TLCD3B: variants seen among roughly 807,000 people sequenced by gnomAD.
TLCD3B encodes the protein TLC domain containing 3B, also known as ceramide synthase.
In TLCD3B, 9 loss-of-function variants were observed where a neutral mutation model predicts 23.0. The observed-to-expected ratio is 0.39, with a 90% CI of 0.24 to 0.68. The LOEUF (loss-of-function observed/expected upper bound fraction) is 0.68. Among genes scored for constraint, TLCD3B ranks in the 30% least tolerant of loss-of-function variants. TLCD3B has a pLI of 0.44. For missense variants in TLCD3B, 307 were observed against 371.8 expected, an observed-to-expected ratio of 0.83 and a Z score of 1.43; for synonymous variants, 161 against 161.0, an observed-to-expected ratio of 1.00 and a Z score of 0.00.
At chr16:30,037,391 A>T (rs2071494209) in intron 3 of TLCD3B, among the ~76,000 whole-genome samples, 1 of 151,310 alleles carries the variant, frequency 6.6e-6, no homozygotes. Flanking sequence ...AAATACAAAA[A>T]ATTTAGCCAG....
chr16:30,041,187 G>T (rs1008891163), intron 2 of TLCD3B: 11 of 152,152 alleles, frequency 7.2e-5, no homozygotes, highest in African/African-American at 2.7e-4. Context: ...GGAGAAAATT[G>T]TGGTTTTGAG....
upstream of TLCD3B, chr16:30,035,269 A>G (rs1180432985): frequency 7.9e-7 from 1 of 1,262,146 alleles, no homozygotes; most frequent in African/African-American, 1.5e-5. Flanking sequence ...TTCTGCTTTC[A>G]CCACAAACTC....
At chr16:30,042,464 TC>T (rs1188117293) in intron 2 of TLCD3B, among the ~76,000 whole-genome samples, 4 of 152,074 alleles carry the variant, frequency 2.6e-5, no homozygotes, top group Non-Finnish European at 2.9e-5. Context: ...CCTCAAGTGA[TC>T]CACCCGCTTT....
At chr16:30,050,532 A>G (rs1256307819) in intron 1 of TLCD3B, among the ~76,000 whole-genome samples, 1 of 152,074 alleles carries the variant, frequency 6.6e-6, no homozygotes, top group Non-Finnish European at 1.5e-5. Context: ...ACCGAGTGAG[A>G]CTCTGTCTCA....
At chr16:30,033,529 T>C (rs1008912869), upstream of TLCD3B, 3 of 152,192 alleles carry the variant, frequency 2.0e-5, no homozygotes, top group Admixed American at 1.3e-4. Context: ...TGCACTTTTA[T>C]GGTAAGCTTT....
upstream of TLCD3B, among the ~76,000 whole-genome samples, chr16:30,031,795 C>T (rs113843072): frequency 1.1e-4 from 17 of 152,330 alleles, no homozygotes; most frequent in Non-Finnish European, 1.6e-4. Flanking sequence ...GAGGTCACTG[C>T]GTCTGTCCTT....
intron 2 of TLCD3B, among the ~76,000 whole-genome samples, chr16:30,028,629 A>C (rs2071247432): frequency 6.6e-6 from 1 of 152,132 alleles, no homozygotes; most frequent in South Asian, 2.1e-4. Context: ...ACCACAGAAG[A>C]GGCAACTCAT....
intron 1 of TLCD3B, among the ~76,000 whole-genome samples, chr16:30,050,433 G>A (rs7203224): frequency 0.097 from 14,732 of 152,186 alleles, 1,029 homozygotes; most frequent in African/African-American, 0.19. Context: ...TCAGCTACTT[G>A]GGAGACTGAG....
chr16:30,035,489 C>CA, upstream of TLCD3B: 1 of 1,289,442 alleles, frequency 7.8e-7, no homozygotes, highest in Non-Finnish European at 1.0e-6. Flanking sequence ...TGCCTGCAGC[C>CA]AAGAAGGCAG....
upstream of TLCD3B, among the ~76,000 whole-genome samples, chr16:30,035,002 C>T (rs1479121612): frequency 6.6e-6 from 1 of 151,826 alleles, no homozygotes; most frequent in Non-Finnish European, 1.5e-5. Context: ...ACCTCCACCT[C>T]CCGAGTTCAT....
At chr16:30,040,809 C>T (rs2071569527) in intron 3 of TLCD3B, among the ~76,000 whole-genome samples, 1 of 152,036 alleles carries the variant, frequency 6.6e-6, no homozygotes, top group Admixed American at 6.6e-5. Context: ...GCGTGCACCA[C>T]CACACCTGGC....
intron 3 of TLCD3B, among the ~76,000 whole-genome samples, chr16:30,038,477 C>T (rs551190144): frequency 3.9e-5 from 6 of 152,020 alleles, no homozygotes; most frequent in Admixed American, 6.6e-5. Context: ...AAGGGCTGGG[C>T]GCAGTGGCTC....
intron 2 of TLCD3B, chr16:30,027,696 G>A: frequency 2.2e-6 from 1 of 455,020 alleles, no homozygotes; most frequent in Non-Finnish European, 4.4e-6. Context: ...AACGAGAAAT[G>A]GATGAATAGA....
At chr16:30,035,759 CTTTTTTCT>C (rs1282982743), upstream of TLCD3B, among the ~76,000 whole-genome samples, 101 of 129,160 alleles carry the variant, frequency 7.8e-4, 1 homozygote, top group African/African-American at 2.2e-3. Context: ...CTTTTCTTTT[CTTTTTTCT>C]TTTTTTTTTT....
At chr16:30,028,084 G>C (rs144663403) in intron 2 of TLCD3B, among the ~76,000 whole-genome samples, 5 of 152,224 alleles carry the variant, frequency 3.3e-5, no homozygotes, top group African/African-American at 9.6e-5. Context: ...TGTAGAGAAC[G>C]CGAAGCGGGA....
chr16:30,026,089 G>A (rs1596734117), intron 3 of TLCD3B, among the ~76,000 whole-genome samples: 1 of 152,132 alleles, frequency 6.6e-6, no homozygotes, highest in African/African-American at 2.4e-5. Flanking sequence ...AAAAAAATTA[G>A]CCAGGCGTGT....
At chr16:30,031,553 A>G (rs2071360316), upstream of TLCD3B, among the ~76,000 whole-genome samples, 1 of 152,120 alleles carries the variant, frequency 6.6e-6, no homozygotes, top group Non-Finnish European at 1.5e-5. Context: ...CCCGGGTCCG[A>G]GCTTTGGGTG....
rs757511343 is a variant in TLCD3B, at chr16:30,029,561, C to A, written c.126-46G>T. 1 of 1,503,546 alleles carries A rather than the reference C, an allele frequency of 6.7e-7. No homozygotes were observed. The highest frequency in any genetic ancestry group is 1.4e-5 in the African/African-American group (1 of 72,674). 93.1% of individuals were successfully genotyped at this position (1,503,546 alleles called of 1,614,324 possible). ...TGCTAGAAAGGCAGAAGGGAAGAGG[C>A]GTGTGCCTTGATTTCTCCTCGTTGC... On this transcript the variant is annotated intron_variant, in intron 1 of 4. Transcript: ENST00000380495. This position sits in a 1 kb window ranked among gnomAD's most constrained non-coding sequence, Gnocchi z 4.6.
In TLCD3B at chr16:30,025,712, C is replaced by T. The variant is rs770336189; in HGVS notation, c.540+14G>A. On this transcript the variant is annotated intron_variant, in intron 4 of 4. Transcript: ENST00000380495. The surrounding 1 kb of genome is among the most constrained non-coding windows in gnomAD (Gnocchi z 4.1). Reference sequence around the variant, plus strand: ...CTCCCCATTGGGCTCCTGCACCCTCCCATGCTCACTCACCTGGATGAGGAT... The same window carrying T: ...CTCCCCATTGGGCTCCTGCACCCTCTCATGCTCACTCACCTGGATGAGGAT... The T allele has an allele frequency of 1.2e-6, 2 of 1,613,684 alleles. No individual in the cohort carries two copies. The highest frequency in any genetic ancestry group is 1.7e-6 in the Non-Finnish European group (2 of 1,179,626).
Sources: gnomAD v4.1 joint callset for allele counts (sites outside exome capture counted in the v4.1 genomes callset) on GRCh38, gnomAD v4.1.1 for gene constraint, Gnocchi (gnomAD v3.1) non-coding constraint, MANE v1.5 for transcripts, NCBI Gene and HGNC (gene_info 2026-07-23, HGNC 2026-07-21) for gene names.